Variants in METTL15 observed in about 807,000 individuals in gnomAD.
METTL15 encodes the protein 12S rRNA N(4)-cytidine methyltransferase METTL15.
METTL15 carries 34 observed loss-of-function variants against 38.3 expected under a neutral mutation model. That is an observed-to-expected ratio of 0.89 (90% CI 0.68 to 1.18). The LOEUF (loss-of-function observed/expected upper bound fraction) is 1.18, where lower values mean the gene tolerates loss of function less well. Ranked by LOEUF, METTL15 falls within the 50% of genes most tolerant of loss-of-function variation. The probability of loss-of-function intolerance (pLI) is 0.00; values close to 1 mark genes in which losing one functional copy is unlikely to be tolerated. For synonymous variants in METTL15, 162 were observed against 170.9 expected (o/e 0.95, Z 0.41); for missense variants, 438 against 498.4 (o/e 0.88, Z 1.15).
At chr11:28,312,430 A>G (rs1857336780) in intron 6 of METTL15, among the ~76,000 whole-genome samples, 1 of 152,190 alleles carries the variant, frequency 6.6e-6, no homozygotes, top group African/African-American at 2.4e-5. Context: ...CTATCTCAGA[A>G]GTTGTAGCTG....
chr11:28,288,248 C>G lies in METTL15; in HGVS notation c.408-1958C>G, dbSNP rs541722900. On this transcript the variant is annotated intron_variant, in intron 4 of 6. Transcript: ENST00000407364. ...AATTAGCTCAACTGTTGTGGAAGACCGTGTAATGACTCCTCAAAGACCTAA... is the reference window on the plus strand; with the variant it reads ...AATTAGCTCAACTGTTGTGGAAGACGGTGTAATGACTCCTCAAAGACCTAA... Among the ~76,000 whole-genome samples the G allele has an allele frequency of 3.7e-4, 57 of 152,120 alleles. 1 individual carries two copies. The highest frequency in any genetic ancestry group is 3.1e-3 in the South Asian group (15 of 4,814).
At chr11:28,237,673 G>T (rs1854066245) in intron 4 of METTL15, among the ~76,000 whole-genome samples, 1 of 152,134 alleles carries the variant, frequency 6.6e-6, no homozygotes, top group Non-Finnish European at 1.5e-5. Context: ...AGGAGGAGAG[G>T]CGCTCTGTTT....
chr11:28,372,403 G>T (rs1056809404), intron 5 of METTL15, among the ~76,000 whole-genome samples: 26 of 149,008 alleles, frequency 1.7e-4, no homozygotes, highest in African/African-American at 5.4e-4. Context: ...TTTTTGTATC[G>T]ATGTTCATTA....
chr11:28,140,209 G>T lies in METTL15; in HGVS notation c.270+26605G>T, dbSNP rs755879063. Among the ~76,000 whole-genome samples the T allele has an allele frequency of 3.3e-5, 5 of 152,246 alleles. No homozygotes were observed. In the South Asian group the frequency reaches 8.3e-4, roughly 25 times the overall value. Reference sequence around the variant, plus strand: ...TTCTGAATGGCATTTCTGATGGCTGGGCTAAATGCTCACTCTACCTAGTAG... The same window carrying T: ...TTCTGAATGGCATTTCTGATGGCTGTGCTAAATGCTCACTCTACCTAGTAG... On this transcript the variant is annotated intron_variant, in intron 3 of 6. Transcript: ENST00000407364.
chr11:28,173,119 TTG>T (rs1021941663), intron 3 of METTL15, among the ~76,000 whole-genome samples: 1 of 152,192 alleles, frequency 6.6e-6, no homozygotes, highest in African/African-American at 2.4e-5. Context: ...AATATAGATT[TTG>T]TTTTTTTGAA....
chr11:28,316,769 A>G (rs1238847318), intron 6 of METTL15, among the ~76,000 whole-genome samples: 1 of 152,080 alleles, frequency 6.6e-6, no homozygotes, highest in African/African-American at 2.4e-5. Context: ...AGTGGATCTC[A>G]TGAGATCTGA....
At chr11:28,258,464 G>A (rs1320156027) in intron 4 of METTL15, among the ~76,000 whole-genome samples, 2 of 152,044 alleles carry the variant, frequency 1.3e-5, no homozygotes, top group Non-Finnish European at 2.9e-5. Context: ...CTTCTCTGCA[G>A]GAAAATGAAT....
chr11:28,300,990 G>A (rs1292211601), intron 6 of METTL15, among the ~76,000 whole-genome samples: 5 of 152,018 alleles, frequency 3.3e-5, no homozygotes, highest in Admixed American at 2.6e-4. Context: ...CGGTGAAGAC[G>A]AGCACATTTC....
chr11:28,414,288 G>C (rs1215056920), intron 5 of METTL15, among the ~76,000 whole-genome samples: 1 of 152,098 alleles, frequency 6.6e-6, no homozygotes, highest in Non-Finnish European at 1.5e-5. Flanking sequence ...AGCAACTTCT[G>C]AGAAGGTACT....
chr11:28,166,366 A>G (rs1308592317), intron 3 of METTL15, among the ~76,000 whole-genome samples: 2 of 152,204 alleles, frequency 1.3e-5, no homozygotes, highest in Non-Finnish European at 2.9e-5. Flanking sequence ...TTTCAAAGAT[A>G]ATGTGAATTT....
intron 6 of METTL15, among the ~76,000 whole-genome samples, chr11:28,329,380 T>C (rs1280037398): frequency 6.6e-6 from 1 of 152,156 alleles, no homozygotes; most frequent in Non-Finnish European, 1.5e-5. Context: ...TTCATAAATG[T>C]AAGTCCTGCT....
chr11:28,350,720 A>G (rs954575584), intron 3 of METTL15, among the ~76,000 whole-genome samples: 1 of 152,224 alleles, frequency 6.6e-6, no homozygotes, highest in African/African-American at 2.4e-5. Context: ...TATAATTCAA[A>G]AATTGATGCT....
chr11:28,528,274 A>G (rs1851825226), downstream of METTL15, among the ~76,000 whole-genome samples: 1 of 152,158 alleles, frequency 6.6e-6, no homozygotes, highest in Non-Finnish European at 1.5e-5. Context: ...TAAACTGCAT[A>G]CTTCAAAAAG....
chr11:28,131,012 T>G (rs1002547911), intron 3 of METTL15, among the ~76,000 whole-genome samples: 5 of 152,274 alleles, frequency 3.3e-5, no homozygotes, highest in Admixed American at 2.0e-4. Context: ...TGTGCATTTG[T>G]GCATTGCAGG....
chr11:28,109,381 T>C (rs1470709602), intron 1 of METTL15, among the ~76,000 whole-genome samples: 1 of 152,238 alleles, frequency 6.6e-6, no homozygotes, highest in Non-Finnish European at 1.5e-5. Flanking sequence ...GAACTCATTG[T>C]ATAGTACTTT....
rs150365453 is a variant in METTL15 at position 28,387,562 on chromosome 11, A to G, written c.*358+25526A>G. On this transcript the variant is annotated intron_variant and NMD_transcript_variant, in intron 5 of 7. Coordinates refer to the METTL15 transcript ENST00000532947. ...TTAAATCGGTAATTAAAAACCTCCCAGCAAAGAAAAGCCCAGGACAAGATG... is the reference window on the plus strand; with the variant it reads ...TTAAATCGGTAATTAAAAACCTCCCGGCAAAGAAAAGCCCAGGACAAGATG... Among the ~76,000 whole-genome samples the G allele has an allele frequency of 7.9e-5, 12 of 152,144 alleles. No homozygotes were observed. The East Asian group carries it at 1.9e-3, about 24-fold the overall frequency.
At chr11:28,243,712 T>G (rs1287403979) in intron 4 of METTL15, among the ~76,000 whole-genome samples, 1 of 152,188 alleles carries the variant, frequency 6.6e-6, no homozygotes, top group Non-Finnish European at 1.5e-5. Context: ...CGTTGAAAAC[T>G]CATCTTAACT....
At chr11:28,471,841 T>C (rs1851305942) in intron 6 of METTL15, among the ~76,000 whole-genome samples, 1 of 152,084 alleles carries the variant, frequency 6.6e-6, no homozygotes, top group South Asian at 2.1e-4. Context: ...GAAAAAGAAC[T>C]GGCTGGATTC....
chr11:28,166,986 A>G (rs893350723), intron 3 of METTL15, among the ~76,000 whole-genome samples: 1 of 151,994 alleles, frequency 6.6e-6, no homozygotes, highest in Admixed American at 6.6e-5. Flanking sequence ...GAAAATGCAT[A>G]TTTCATCTAT....
Sources: allele counts gnomAD v4.1 joint callset (sites outside exome capture counted in the v4.1 genomes callset), GRCh38; gene constraint gnomAD v4.1.1; transcripts MANE v1.5; gene names NCBI Gene and HGNC (gene_info 2026-07-23, HGNC 2026-07-21).